Variants in ARHGAP15 observed in about 807,000 individuals in gnomAD.
The protein encoded by ARHGAP15 is Rho GTPase activating protein 15.
Under a neutral mutation model 63.7 loss-of-function variants are expected in ARHGAP15, and 51 were observed. That is an observed-to-expected ratio of 0.80 (90% CI 0.64 to 1.01). ARHGAP15 has a LOEUF of 1.01. Among genes scored for constraint, ARHGAP15 ranks in the 50% least tolerant of loss-of-function variants. ARHGAP15 has a pLI of 0.00. For synonymous variants in ARHGAP15, 191 were observed against 193.8 expected, an observed-to-expected ratio of 0.99 and a Z score of 0.12; for missense variants, 560 against 564.6, an observed-to-expected ratio of 0.99 and a Z score of 0.08.
chr2:143,536,609 C>G (rs931906249), intron 10 of ARHGAP15, among the ~76,000 whole-genome samples: 1 of 148,918 alleles, frequency 6.7e-6, no homozygotes, highest in Non-Finnish European at 1.5e-5. Context: ...CACCTATGAA[C>G]GAGAACATGC....
In ARHGAP15 at chr2:143,397,558, C is replaced by CA. The variant is rs879705313; in HGVS notation, c.475-38034dup. 5.6e-3 allele frequency among the ~76,000 whole-genome samples: 776 copies of CA among 138,966 alleles called. 4 individuals carry two copies. The highest frequency in any genetic ancestry group is 0.02 in the African/African-American group (732 of 36,938). The allele number at this position is 138,966 out of a possible 152,430, so 91.2% of individuals were successfully genotyped here. On this transcript the variant is annotated intron_variant, in intron 6 of 13. Transcript: ENST00000295095. The stretch of plus-strand genomic sequence containing the variant: ...AACAATTAATATGTTAAAATATTGG[C>CA]AAAAAAAAACGAAGAAGAAATAAAA...
intron 12 of ARHGAP15, chr2:143,640,625 A>G (rs1286736787): frequency 6.6e-6 from 1 of 152,178 alleles, no homozygotes; most frequent in East Asian, 1.9e-4. Context: ...TCAAAGGGTT[A>G]CCTGAACTTC....
intron 11 of ARHGAP15, chr2:143,607,028 G>A (rs1698064583): frequency 6.6e-6 from 1 of 152,196 alleles, no homozygotes; most frequent in Non-Finnish European, 1.5e-5. Context: ...CCATGATAGT[G>A]GAGGATTTCT....
At chr2:143,413,067 T>C (rs755815672) in intron 6 of ARHGAP15, among the ~76,000 whole-genome samples, 11 of 152,222 alleles carry the variant, frequency 7.2e-5, no homozygotes, top group Non-Finnish European at 1.3e-4. Context: ...AGATTTATTA[T>C]GGATCCAATT....
intron 8 of ARHGAP15, among the ~76,000 whole-genome samples, chr2:143,471,425 G>A (rs983048097): frequency 3.3e-5 from 5 of 151,694 alleles, no homozygotes; most frequent in African/African-American, 1.2e-4. Context: ...TCCTGCTCTG[G>A]GAAAGCCTCT....
At chr2:143,153,370 C>T (rs1037942189) in intron 1 of ARHGAP15, among the ~76,000 whole-genome samples, 2 of 151,820 alleles carry the variant, frequency 1.3e-5, no homozygotes, top group African/African-American at 4.8e-5. Context: ...ATACATACTT[C>T]AAATTTTTAT....
At chr2:143,354,447 G>A (rs114602639) in intron 6 of ARHGAP15, among the ~76,000 whole-genome samples, 2,499 of 152,074 alleles carry the variant, frequency 0.016, 69 homozygotes, top group African/African-American at 0.056. Context: ...AACAAAACAT[G>A]GTTCAAATGG....
intron 6 of ARHGAP15, among the ~76,000 whole-genome samples, chr2:143,268,150 T>C (rs576329457): frequency 1.3e-5 from 2 of 151,922 alleles, no homozygotes; most frequent in Admixed American, 6.6e-5. Context: ...GTAACTATCA[T>C]GGCAAACTAA....
At chr2:143,157,553 G>A (rs1235525845) in intron 2 of ARHGAP15, among the ~76,000 whole-genome samples, 1 of 151,166 alleles carries the variant, frequency 6.6e-6, no homozygotes, top group Non-Finnish European at 1.5e-5. Context: ...CCTCGATAAG[G>A]AACAAAAATA....
intron 11 of ARHGAP15, among the ~76,000 whole-genome samples, chr2:143,606,070 AG>A (rs143103138): frequency 0.032 from 1,348 of 42,198 alleles, 487 homozygotes; most frequent in African/African-American, 0.047. Context: ...AAAAAAAAAA[AG>A]CCATACATCT....
intron 1 of ARHGAP15, among the ~76,000 whole-genome samples, chr2:143,140,336 G>A (rs531556318): frequency 1.3e-5 from 2 of 152,094 alleles, no homozygotes; most frequent in Non-Finnish European, 2.9e-5. Flanking sequence ...AGCTCAAGAT[G>A]TACCCTCACC....
intron 2 of ARHGAP15, among the ~76,000 whole-genome samples, chr2:143,188,914 G>A (rs1263745665): frequency 3.3e-5 from 5 of 151,536 alleles, no homozygotes; most frequent in Admixed American, 2.0e-4. Flanking sequence ...ATGAGCCACC[G>A]TGCCGGCCCC....
intron 11 of ARHGAP15, among the ~76,000 whole-genome samples, chr2:143,609,737 G>A (rs1013027344): frequency 6.6e-6 from 1 of 152,050 alleles, no homozygotes; most frequent in African/African-American, 2.4e-5. Flanking sequence ...CGGTACCCAG[G>A]ATCTGTATGC....
At chr2:143,152,903 T>C (rs1689884253) in intron 1 of ARHGAP15, among the ~76,000 whole-genome samples, 2 of 151,712 alleles carry the variant, frequency 1.3e-5, no homozygotes, top group African/African-American at 2.4e-5. Flanking sequence ...AACATTAACA[T>C]TGTGGTAGAG....
intron 11 of ARHGAP15, among the ~76,000 whole-genome samples, chr2:143,593,600 T>C (rs1477292892): frequency 2.0e-5 from 3 of 152,196 alleles, no homozygotes; most frequent in African/African-American, 7.2e-5. Context: ...TGAGAGCTCT[T>C]TCATAATACT....
chr2:143,234,246 CTATTT>C (rs1264576948), intron 5 of ARHGAP15, among the ~76,000 whole-genome samples: 1 of 151,990 alleles, frequency 6.6e-6, no homozygotes, highest in Non-Finnish European at 1.5e-5. Flanking sequence ...TTTTAAGACT[CTATTT>C]TATTTTGTTA....
At chr2:143,532,231 A>T (rs762409397) in intron 10 of ARHGAP15, among the ~76,000 whole-genome samples, 1 of 152,226 alleles carries the variant, frequency 6.6e-6, no homozygotes, top group Non-Finnish European at 1.5e-5. Context: ...AAGATTTTAC[A>T]GGCATAACTT....
chr2:143,519,474 T>A (rs1447082028), intron 10 of ARHGAP15, 110 bp downstream of exon 10: 9 of 782,966 alleles, frequency 1.1e-5, no homozygotes, highest in Non-Finnish European at 1.7e-5. Flanking sequence ...CAATTAAAAC[T>A]TGACTTGTGT....
chr2:143,584,927 T>C (rs956897772), intron 11 of ARHGAP15, among the ~76,000 whole-genome samples: 1 of 152,216 alleles, frequency 6.6e-6, no homozygotes, highest in African/African-American at 2.4e-5. Flanking sequence ...TGATTTATAT[T>C]TGACTTTGGA....
Sources: allele counts gnomAD v4.1 joint callset (sites outside exome capture counted in the v4.1 genomes callset), GRCh38; gene constraint gnomAD v4.1.1; transcripts MANE v1.5; gene names NCBI Gene and HGNC (gene_info 2026-07-23, HGNC 2026-07-21).